Variants in SOX5 observed in about 807,000 individuals in gnomAD.
The protein encoded by SOX5 is transcription factor SOX-5.
In SOX5, 9 loss-of-function variants were observed where a neutral mutation model predicts 92.0. The observed-to-expected ratio is 0.10, with a 90% CI of 0.06 to 0.17. The LOEUF (loss-of-function observed/expected upper bound fraction) is 0.17, where lower values mean the gene tolerates loss of function less well. SOX5 is among the 10% of genes least tolerant of loss of function. The probability of loss-of-function intolerance (pLI) is 1.00; values close to 1 mark genes in which losing one functional copy is unlikely to be tolerated. For missense variants in SOX5, 642 were observed against 944.5 expected (o/e 0.68, Z 4.20); for synonymous variants, 344 against 336.3 (o/e 1.02, Z -0.25).
At chr12:24,518,048 T>A (rs1486433450) in intron 1 of SOX5, among the ~76,000 whole-genome samples, 1 of 148,550 alleles carries the variant, frequency 6.7e-6, no homozygotes, top group South Asian at 2.1e-4. Flanking sequence ...GGTTTATTAA[T>A]CAAAAATTTT....
At chr12:24,421,729 A>G (rs1596471556) in intron 1 of SOX5, among the ~76,000 whole-genome samples, 1 of 152,318 alleles carries the variant, frequency 6.6e-6, no homozygotes, top group Non-Finnish European at 1.5e-5. Flanking sequence ...CTAAATGTCT[A>G]TTAGCTCCAA....
intron 8 of SOX5, among the ~76,000 whole-genome samples, chr12:23,618,939 G>T (rs2076869685): frequency 6.6e-6 from 1 of 152,108 alleles, no homozygotes; most frequent in African/African-American, 2.4e-5. Context: ...CCAAGGCCAA[G>T]GGTTAAAGGC....
chr12:23,534,854 C>T (rs997348323), intron 14 of SOX5, among the ~76,000 whole-genome samples: 2 of 151,978 alleles, frequency 1.3e-5, no homozygotes, highest in East Asian at 1.9e-4. Flanking sequence ...GGAATACAGG[C>T]GCCTGCCACC....
rs73070312 is a variant in SOX5 at position 23,960,377 on chromosome 12, A to G, written c.-1-64353T>C. On this transcript the variant is annotated intron_variant, in intron 4 of 4. Coordinates refer to the SOX5 transcript ENST00000446891. The stretch of plus-strand genomic sequence containing the variant: ...GGATGGCAATTTGGAAATGCCTACC[A>G]AAATTACAAATGCAATTCTACTTCT... 4.1e-3 allele frequency among the ~76,000 whole-genome samples: 622 copies of G among 151,976 alleles called. 3 individuals are homozygous for G. Among genetic ancestry groups the G allele is most frequent in the Middle Eastern group, 6.9e-3 (2 of 290 alleles).
intron 2 of SOX5, among the ~76,000 whole-genome samples, chr12:23,858,049 T>G (rs895586741): frequency 2.0e-5 from 3 of 147,536 alleles, no homozygotes; most frequent in African/African-American, 7.4e-5. Context: ...TTTTTTTTAT[T>G]TGTAATTTAA....
chr12:24,293,433 A>G (rs1479142618), intron 2 of SOX5, among the ~76,000 whole-genome samples: 2 of 152,198 alleles, frequency 1.3e-5, no homozygotes, highest in African/African-American at 4.8e-5. Flanking sequence ...TAAATAAACT[A>G]TTACATTCTG....
intron 9 of SOX5, among the ~76,000 whole-genome samples, chr12:23,601,702 C>A (rs574990505): frequency 6.6e-6 from 1 of 152,194 alleles, no homozygotes; most frequent in East Asian, 1.9e-4. Context: ...CAATTCCAGG[C>A]TACAAGAAAG....
chr12:23,962,620 A>C (rs781741754), intron 4 of SOX5, among the ~76,000 whole-genome samples: 3 of 152,208 alleles, frequency 2.0e-5, no homozygotes, highest in Non-Finnish European at 4.4e-5. Context: ...TAATGGCAAT[A>C]ATCCTGTCAA....
chr12:23,860,908 TA>T, intron 2 of SOX5, among the ~76,000 whole-genome samples: 1 of 146,222 alleles, frequency 6.8e-6, no homozygotes, highest in African/African-American at 2.5e-5. Context: ...TTTGAAAGTT[TA>T]TCGTTATTTA....
intron 3 of SOX5, among the ~76,000 whole-genome samples, chr12:24,248,146 A>G (rs1442283475): frequency 6.6e-6 from 1 of 152,196 alleles, no homozygotes; most frequent in East Asian, 1.9e-4. Flanking sequence ...CTATTAAGGG[A>G]GACAGAAACA....
At position 24,439,528 on chromosome 12, in the gene SOX5, A is replaced by G. The variant is rs76055017; in HGVS notation, c.-250-70889T>C. Among the ~76,000 whole-genome samples the G allele has an allele frequency of 4.6e-3, 704 of 152,310 alleles. 11 individuals carry two copies. The East Asian group carries it at 0.051, about 11-fold the overall frequency. On this transcript the variant is annotated intron_variant, in intron 1 of 4. Coordinates refer to the SOX5 transcript ENST00000446891. ...TCACTCAAGTGGAAGTGAAATTTCC[A>G]TATCATAAACTATGTGTATAGGCCT...
chr12:24,546,119 C>T (rs1952600708), intron 1 of SOX5, among the ~76,000 whole-genome samples: 1 of 152,138 alleles, frequency 6.6e-6, no homozygotes, highest in Non-Finnish European at 1.5e-5. Flanking sequence ...TTTATTGGGC[C>T]CTGAATATTA....
intron 4 of SOX5, among the ~76,000 whole-genome samples, chr12:24,123,974 A>C (rs1948870961): frequency 6.6e-6 from 1 of 152,218 alleles, no homozygotes; most frequent in Admixed American, 6.5e-5. Flanking sequence ...TTGTGCTAAA[A>C]AGTTGATAGT....
At chr12:23,956,639 G>T (rs1946317421) in intron 4 of SOX5, among the ~76,000 whole-genome samples, 1 of 151,956 alleles carries the variant, frequency 6.6e-6, no homozygotes, top group African/African-American at 2.4e-5. Context: ...CACTAAGGGA[G>T]CCTCTATTAC....
At chr12:24,294,546 GC>G (rs2140542386) in intron 2 of SOX5, among the ~76,000 whole-genome samples, 1 of 152,192 alleles carries the variant, frequency 6.6e-6, no homozygotes, top group South Asian at 2.1e-4. Context: ...GAGAAGCACC[GC>G]CCCTTCCACA....
At chr12:24,486,318 C>T (rs945218134) in intron 1 of SOX5, among the ~76,000 whole-genome samples, 3 of 152,258 alleles carry the variant, frequency 2.0e-5, no homozygotes, top group Non-Finnish European at 2.9e-5. Flanking sequence ...AGCCACTACC[C>T]GAAGTGTGAG....
chr12:23,579,336 C>T (rs1949725212), intron 9 of SOX5, among the ~76,000 whole-genome samples: 2 of 152,032 alleles, frequency 1.3e-5, no homozygotes, highest in African/African-American at 4.8e-5. Context: ...TCAAAATTGC[C>T]CTTTCCTTCT....
intron 2 of SOX5, among the ~76,000 whole-genome samples, chr12:24,337,322 C>T (rs1952022014): frequency 6.7e-6 from 1 of 150,212 alleles, no homozygotes; most frequent in Non-Finnish European, 1.5e-5. Context: ...TGGCATTACA[C>T]CTCTAAATCT....
At chr12:24,229,980 A>G (rs1391661913) in intron 3 of SOX5, among the ~76,000 whole-genome samples, 1 of 152,194 alleles carries the variant, frequency 6.6e-6, no homozygotes, top group Non-Finnish European at 1.5e-5. Flanking sequence ...TTTTTAATAG[A>G]AAAGAGAAAT....
Sources: allele counts gnomAD v4.1 joint callset (sites outside exome capture counted in the v4.1 genomes callset), GRCh38; gene constraint gnomAD v4.1.1; transcripts MANE v1.5; gene names NCBI Gene and HGNC (gene_info 2026-07-23, HGNC 2026-07-21).